The following PARN variants were observed in gnomAD, a reference collection of about 807,000 sequenced individuals.
PARN encodes the protein poly(A)-specific ribonuclease PARN.
In PARN, 71 loss-of-function variants were observed where a neutral mutation model predicts 102.8. The observed-to-expected ratio is 0.69, with a 90% confidence interval of 0.57 to 0.84. The LOEUF (loss-of-function observed/expected upper bound fraction) is 0.84. Among genes scored for constraint, PARN ranks in the 40% least tolerant of loss-of-function variants. The pLI, the probability that PARN is intolerant of heterozygous loss-of-function variation, is 0.00. For synonymous variants in PARN, 261 were observed against 252.9 expected, an observed-to-expected ratio of 1.03 and a Z score of -0.30; for missense variants, 782 against 760.9, an observed-to-expected ratio of 1.03 and a Z score of -0.33.
At chr16:14,463,334 A>C (rs1303520834) in intron 22 of PARN, among the ~76,000 whole-genome samples, 1 of 151,060 alleles carries the variant, frequency 6.6e-6, no homozygotes, top group Non-Finnish European at 1.5e-5. Flanking sequence ...CCACAAGGTA[A>C]AATTTATAAT....
intron 21 of PARN, among the ~76,000 whole-genome samples, chr16:14,490,810 T>G (rs936481192): frequency 2.0e-5 from 3 of 152,152 alleles, no homozygotes; most frequent in African/African-American, 4.8e-5. Flanking sequence ...TCCATAAAGT[T>G]TGATCAAGTT....
rs530851719 is a variant in PARN at position 14,436,584 on chromosome 16, C to T, written c.*133G>A. ...AAAAATAAAACCTGTTTTCTCCCCC[C>T]CAGGAGACAACTTGGTTTCCAACCC... On this transcript the variant is annotated 3_prime_UTR_variant, in exon 24 of 24. Coordinates refer to ENST00000437198, the MANE Select transcript of PARN (RefSeq NM_002582.4). 2.1e-5 allele frequency: 14 copies of T among 652,168 alleles called. No homozygotes were observed. The highest frequency in any genetic ancestry group is 9.1e-5 in the African/African-American group (5 of 54,690). The allele number at this position is 652,168 out of a possible 1,614,324, so 40.4% of individuals were successfully genotyped here.
At chr16:14,505,830 T>G (rs915091108) in intron 21 of PARN, among the ~76,000 whole-genome samples, 25 of 152,188 alleles carry the variant, frequency 1.6e-4, no homozygotes, top group African/African-American at 5.8e-4. Context: ...AATGACATCC[T>G]TGCACAAAGA....
intron 22 of PARN, among the ~76,000 whole-genome samples, chr16:14,450,155 C>G (rs752225828): frequency 6.6e-6 from 1 of 152,162 alleles, no homozygotes; most frequent in Non-Finnish European, 1.5e-5. Context: ...CTCAAAGAAC[C>G]GAAAATGATT....
chr16:14,580,664 TTTC>T (rs1969475972), intron 18 of PARN, among the ~76,000 whole-genome samples: 1 of 152,156 alleles, frequency 6.6e-6, no homozygotes, highest in African/African-American at 2.4e-5. Context: ...CTAGCAATGT[TTTC>T]TTTTTTTTTT....
intron 21 of PARN, among the ~76,000 whole-genome samples, chr16:14,505,588 A>G (rs764629500): frequency 6.6e-6 from 1 of 152,194 alleles, no homozygotes. Flanking sequence ...ATTTTCTCCT[A>G]TAAAATGAGG....
At chr16:14,471,952 C>T (rs1002181899) in intron 22 of PARN, among the ~76,000 whole-genome samples, 10 of 152,160 alleles carry the variant, frequency 6.6e-5, no homozygotes, top group African/African-American at 2.4e-4. Context: ...TAAGCATATG[C>T]CACATTTTGC....
At chr16:14,622,270 G>A (rs1972356627) in intron 5 of PARN, among the ~76,000 whole-genome samples, 1 of 152,140 alleles carries the variant, frequency 6.6e-6, no homozygotes, top group African/African-American at 2.4e-5. Flanking sequence ...AACTTTAAAT[G>A]CATATATCCT....
chr16:14,590,962 T>A (rs1447205790), intron 13 of PARN, among the ~76,000 whole-genome samples: 2 of 152,156 alleles, frequency 1.3e-5, no homozygotes, highest in Non-Finnish European at 2.9e-5. Context: ...AAAATATTAA[T>A]CTTTTAGCTG....
At chr16:14,580,988 G>C in intron 17 of PARN, 45 bp from the exon 18 acceptor site, 1 of 1,189,034 alleles carries the variant, frequency 8.4e-7, no homozygotes, top group Non-Finnish European at 1.2e-6. Context: ...TAGTCACATA[G>C]ACCAAGCCTG....
At chr16:14,521,158 T>C (rs938319102) in intron 21 of PARN, among the ~76,000 whole-genome samples, 5 of 152,258 alleles carry the variant, frequency 3.3e-5, no homozygotes, top group Non-Finnish European at 4.4e-5. Context: ...AATGTACACT[T>C]TGGCAAACCT....
chr16:14,457,321 G>C (rs1018088005), intron 22 of PARN, among the ~76,000 whole-genome samples: 3 of 152,140 alleles, frequency 2.0e-5, no homozygotes, highest in African/African-American at 7.2e-5. Context: ...GTGGGAGCTA[G>C]AAATGCCTTT....
Position 14,630,254 on chromosome 16 carries a change from C to A in PARN, c.-129G>T. 3.8e-6 allele frequency: 3 copies of A among 789,824 alleles called. No individual in the cohort carries two copies. The highest frequency in any genetic ancestry group is 1.8e-5 in the African/African-American group (1 of 55,248). 48.9% of individuals were successfully genotyped at this position (789,824 alleles called of 1,614,324 possible). A position where few individuals can be genotyped will look rare whatever the true frequency, so the allele number is the denominator to read the frequency against. On this transcript the variant is annotated 5_prime_UTR_variant, in exon 1 of 24. Transcript: ENST00000437198. Reference sequence around the variant, plus strand: ...CAGCGGTGACGCCGGCCGCGACTTCCGGAAACAGCGCGCGCCTGCTGCGCT... The same window carrying A: ...CAGCGGTGACGCCGGCCGCGACTTCAGGAAACAGCGCGCGCCTGCTGCGCT...
chr16:14,621,261 G>A (rs780639198), intron 5 of PARN, among the ~76,000 whole-genome samples: 2 of 152,018 alleles, frequency 1.3e-5, no homozygotes, highest in Non-Finnish European at 2.9e-5. Flanking sequence ...TCTGACAAAG[G>A]CACTGAAACA....
At chr16:14,613,579 C>T (rs555974779) in intron 6 of PARN, among the ~76,000 whole-genome samples, 2 of 152,194 alleles carry the variant, frequency 1.3e-5, no homozygotes, top group Non-Finnish European at 2.9e-5. Context: ...GCCAAGATCA[C>T]GCCACTGCAC....
intron 5 of PARN, among the ~76,000 whole-genome samples, chr16:14,620,798 G>A (rs1438727597): frequency 3.9e-5 from 6 of 152,182 alleles, no homozygotes; most frequent in Non-Finnish European, 7.3e-5. Flanking sequence ...ACCACGGAAT[G>A]ACTGTGTTTC....
At chr16:14,462,613 C>T (rs776964028) in intron 22 of PARN, among the ~76,000 whole-genome samples, 2 of 150,174 alleles carry the variant, frequency 1.3e-5, no homozygotes, top group East Asian at 2.0e-4. Flanking sequence ...AGAATATTCT[C>T]GAAAATTCCA....
At chr16:14,451,827 G>A (rs1324372621) in intron 22 of PARN, among the ~76,000 whole-genome samples, 21 of 118,622 alleles carry the variant, frequency 1.8e-4, no homozygotes, top group Non-Finnish European at 3.2e-4. Context: ...TGGGCAATGT[G>A]GAGAAACCCC....
chr16:14,605,846 T>A (rs2151790078), intron 10 of PARN, among the ~76,000 whole-genome samples: 1 of 152,352 alleles, frequency 6.6e-6, no homozygotes, highest in South Asian at 2.1e-4. Context: ...CCACGCAACA[T>A]GAAGCCATTT....
Sources: allele counts gnomAD v4.1 joint callset (sites outside exome capture counted in the v4.1 genomes callset), GRCh38; gene constraint gnomAD v4.1.1; transcripts MANE v1.5; gene names NCBI Gene and HGNC (gene_info 2026-07-23, HGNC 2026-07-21).